Variants in PDE4B observed in about 807,000 individuals in gnomAD.
PDE4B encodes the protein 3',5'-cyclic-AMP phosphodiesterase 4B.
In PDE4B, 20 loss-of-function variants were observed where a neutral mutation model predicts 82.2. The ratio of observed to expected loss-of-function variants is 0.24; its 90% confidence interval spans 0.17 to 0.35. The LOEUF is 0.35. Ranked by LOEUF, PDE4B falls within the 10% of genes least tolerant of loss-of-function variation. The pLI is 1.00. For synonymous variants in PDE4B, 320 were observed against 318.9 expected (o/e 1.00, Z -0.04); for missense variants, 655 against 907.2 (o/e 0.72, Z 3.57).
intron 3 of PDE4B, chr1:66,152,479 C>A: frequency 3.2e-6 from 1 of 312,260 alleles, no homozygotes; most frequent in African/African-American, 2.1e-5. Context: ...CTTTTTAACA[C>A]AGCATTGGAA....
intron 1 of PDE4B, among the ~76,000 whole-genome samples, chr1:65,814,163 G>A (rs1645852375): frequency 6.6e-6 from 1 of 152,144 alleles, no homozygotes; most frequent in South Asian, 2.1e-4. Flanking sequence ...CCAAAGCCTT[G>A]CCCGAGGCAG....
At chr1:66,208,807 A>G (rs1649782149) in intron 3 of PDE4B, among the ~76,000 whole-genome samples, 1 of 152,250 alleles carries the variant, frequency 6.6e-6, no homozygotes, top group Admixed American at 6.5e-5. Flanking sequence ...TTACAATATA[A>G]TACTGTGCTA....
chr1:65,992,962 T>A, intron 3 of PDE4B: 1 of 1,613,998 alleles, frequency 6.2e-7, no homozygotes, highest in Non-Finnish European at 8.5e-7. Flanking sequence ...GAGGTTTGCA[T>A]AAAGACTTTC....
intron 3 of PDE4B, among the ~76,000 whole-genome samples, chr1:66,000,822 T>C (rs1231443830): frequency 6.6e-6 from 1 of 152,184 alleles, no homozygotes; most frequent in Admixed American, 6.6e-5. Flanking sequence ...GGATGGAGGA[T>C]AGTGTAGCTT....
chr1:66,091,021 G>A (rs956217247), intron 3 of PDE4B, among the ~76,000 whole-genome samples: 3 of 151,998 alleles, frequency 2.0e-5, no homozygotes, highest in African/African-American at 7.2e-5. Context: ...GTTCATTGGA[G>A]TGGAGTCTCA....
At chr1:65,965,100 G>A (rs1252774000) in intron 3 of PDE4B, among the ~76,000 whole-genome samples, 1 of 152,084 alleles carries the variant, frequency 6.6e-6, no homozygotes, top group East Asian at 1.9e-4. Flanking sequence ...TGTGCCAAAT[G>A]TATGGTGTAG....
chr1:65,820,667 A>T (rs1433480161), intron 1 of PDE4B, among the ~76,000 whole-genome samples: 1 of 152,214 alleles, frequency 6.6e-6, no homozygotes, highest in Non-Finnish European at 1.5e-5. Context: ...CAGTGAGTCA[A>T]TGGGAAAATT....
At chr1:65,923,050 A>C (rs913126574) in intron 3 of PDE4B, among the ~76,000 whole-genome samples, 1 of 151,886 alleles carries the variant, frequency 6.6e-6, no homozygotes, top group East Asian at 1.9e-4. Context: ...TGCTCTTGTA[A>C]ACTGAAGTTC....
chr1:65,798,894 C>T (rs2101156569), intron 1 of PDE4B, among the ~76,000 whole-genome samples: 1 of 152,144 alleles, frequency 6.6e-6, no homozygotes, highest in African/African-American at 2.4e-5. Context: ...GTGACGTTTA[C>T]TCTATGGAAC....
intron 10 of PDE4B, among the ~76,000 whole-genome samples, chr1:66,362,915 T>C (rs7546359): frequency 0.039 from 6,007 of 152,228 alleles, 376 homozygotes; most frequent in African/African-American, 0.14. Flanking sequence ...ATGTCCAATA[T>C]AGGTCAGCAA....
intron 1 of PDE4B, among the ~76,000 whole-genome samples, chr1:65,853,539 T>C (rs550754914): frequency 6.6e-6 from 1 of 152,128 alleles, no homozygotes; most frequent in East Asian, 1.9e-4. Flanking sequence ...CCTTTTTTTT[T>C]TTTATTTTTG....
chr1:66,275,349 G>A (rs1655806077), intron 7 of PDE4B, among the ~76,000 whole-genome samples: 1 of 152,150 alleles, frequency 6.6e-6, no homozygotes, highest in African/African-American at 2.4e-5. Context: ...GTAGCGCTAG[G>A]AGCTGGTGCA....
intron 3 of PDE4B, among the ~76,000 whole-genome samples, chr1:66,006,565 G>A (rs1652162555): frequency 6.6e-6 from 1 of 152,082 alleles, no homozygotes; most frequent in African/African-American, 2.4e-5. Flanking sequence ...GGGCAACATG[G>A]TGAGTGATAT....
intron 1 of PDE4B, among the ~76,000 whole-genome samples, chr1:65,825,671 C>A (rs1184016352): frequency 6.6e-6 from 1 of 151,480 alleles, no homozygotes; most frequent in Non-Finnish European, 1.5e-5. Flanking sequence ...CATGGACAAA[C>A]CCCATCTCTA....
At chr1:66,012,365 G>C (rs1652533647) in intron 3 of PDE4B, among the ~76,000 whole-genome samples, 1 of 152,124 alleles carries the variant, frequency 6.6e-6, no homozygotes, top group Non-Finnish European at 1.5e-5. Context: ...CTCCTACTCA[G>C]AGAGCATCAT....
At chr1:65,968,601 T>C (rs915314713) in intron 3 of PDE4B, among the ~76,000 whole-genome samples, 4 of 152,146 alleles carry the variant, frequency 2.6e-5, no homozygotes, top group African/African-American at 7.2e-5. Flanking sequence ...TTTGATGAGA[T>C]AGAGAAATTT....
chr1:65,822,390 A>T (rs1375877655), intron 1 of PDE4B, among the ~76,000 whole-genome samples: 2 of 152,034 alleles, frequency 1.3e-5, no homozygotes, highest in Non-Finnish European at 2.9e-5. Flanking sequence ...TTACATTTAC[A>T]TTTTCAACTT....
chr1:66,076,235 T>C (rs1656429942), intron 3 of PDE4B, among the ~76,000 whole-genome samples: 2 of 152,156 alleles, frequency 1.3e-5, no homozygotes, highest in East Asian at 3.8e-4. Context: ...AGTCCATGTG[T>C]ACTTGATGTT....
At chr1:66,203,539 T>C (rs1308348707) in intron 3 of PDE4B, among the ~76,000 whole-genome samples, 1 of 152,146 alleles carries the variant, frequency 6.6e-6, no homozygotes, top group African/African-American at 2.4e-5. Context: ...GGAGACTTTG[T>C]TCGTTTCTTT....
Sources: gnomAD v4.1 joint callset for allele counts (sites outside exome capture counted in the v4.1 genomes callset) on GRCh38, gnomAD v4.1.1 for gene constraint, MANE v1.5 for transcripts, NCBI Gene and HGNC (gene_info 2026-07-23, HGNC 2026-07-21) for gene names.